Variants in KPNA4 observed in about 807,000 individuals in gnomAD.
KPNA4 encodes the protein importin subunit alpha-3.
A neutral mutation model predicts 71.3 loss-of-function variants in KPNA4; 13 were observed. The ratio of observed to expected loss-of-function variants is 0.18; its 90% CI spans 0.12 to 0.29. The LOEUF is 0.29. Ranked by LOEUF, KPNA4 falls within the 10% of genes least tolerant of loss-of-function variation. The pLI is 1.00. For synonymous variants in KPNA4, 189 were observed against 195.2 expected, an observed-to-expected ratio of 0.97 and a Z score of 0.26; for missense variants, 334 against 603.2, an observed-to-expected ratio of 0.55 and a Z score of 4.67.
intron 15 of KPNA4, among the ~76,000 whole-genome samples, chr3:160,507,466 C>T (rs558921660): frequency 1.4e-4 from 21 of 146,786 alleles, no homozygotes; most frequent in Middle Eastern, 6.9e-3. Context: ...TGCCATTGCA[C>T]TCCAGCCTGG....
At chr3:160,515,325 CTT>C (rs914299148) in intron 12 of KPNA4, 125 bp downstream of exon 12, 8 of 937,910 alleles carry the variant, frequency 8.5e-6, no homozygotes, top group African/African-American at 3.4e-5. Context: ...TTTATTTTCT[CTT>C]GATGTCTAAA....
rs367793590 is a variant in KPNA4 at position 160,507,154 on chromosome 3, G to A, written c.1372+953C>T. ...AGGCTCTGGTACATGGCCATGTTTCGAAACTATTGCCCTAAAGAATAAAAC... is the reference window on the plus strand; with the variant it reads ...AGGCTCTGGTACATGGCCATGTTTCAAAACTATTGCCCTAAAGAATAAAAC... On this transcript the variant is annotated intron_variant, in intron 15 of 16. Transcript: ENST00000334256. 2.6e-4 allele frequency among the ~76,000 whole-genome samples: 40 copies of A among 152,080 alleles called. No homozygotes were observed. In the East Asian group the frequency reaches 2.7e-3, roughly 10 times the overall value.
intron 5 of KPNA4, among the ~76,000 whole-genome samples, chr3:160,533,878 T>C (rs1211391866): frequency 6.6e-6 from 1 of 152,220 alleles, no homozygotes; most frequent in African/African-American, 2.4e-5. Flanking sequence ...TTCTTGCAGA[T>C]TGCATGTTGA....
chr3:160,555,283 C>T (rs1012015467), intron 1 of KPNA4, among the ~76,000 whole-genome samples: 2 of 152,116 alleles, frequency 1.3e-5, no homozygotes, highest in Non-Finnish European at 2.9e-5. Context: ...TTACTATATC[C>T]TCTCAAATAT....
chr3:160,550,697 T>C (rs892808909), intron 1 of KPNA4, among the ~76,000 whole-genome samples: 1 of 152,212 alleles, frequency 6.6e-6, no homozygotes, highest in Non-Finnish European at 1.5e-5. Context: ...AGTTTGAGTG[T>C]TTTTATCATG....
chr3:160,546,774 T>C (rs1191270424), intron 1 of KPNA4, among the ~76,000 whole-genome samples: 1 of 152,126 alleles, frequency 6.6e-6, no homozygotes, highest in Non-Finnish European at 1.5e-5. Flanking sequence ...CTGCACACTA[T>C]TTAATATGCT....
rs1168007999 is a variant in KPNA4, at chr3:160,565,524, A to G, written c.-242T>C. On this transcript the variant is annotated 5_prime_UTR_variant, in exon 1 of 17. Transcript: ENST00000334256. The stretch of plus-strand genomic sequence containing the variant: ...ACAACTGTGGGGCCGGGCGGCGGCA[A>G]GGCGACGGAATGTGCTGCCGGCTGA... 8 of 542,098 alleles carry G rather than the reference A, an allele frequency of 1.5e-5. No homozygotes were observed. The highest frequency in any genetic ancestry group is 2.3e-5 in the Non-Finnish European group (7 of 309,046). The allele number at this position is 542,098 out of a possible 1,614,324, so 33.6% of individuals were successfully genotyped here.
intron 1 of KPNA4, among the ~76,000 whole-genome samples, chr3:160,559,374 T>C (rs909793486): frequency 2.6e-5 from 4 of 152,196 alleles, no homozygotes; most frequent in African/African-American, 9.6e-5. Context: ...ATACTTAAGA[T>C]TTTTCTGAAT....
chr3:160,562,898 C>T (rs1722274099), intron 1 of KPNA4, among the ~76,000 whole-genome samples: 1 of 152,140 alleles, frequency 6.6e-6, no homozygotes, highest in Admixed American at 6.5e-5. Flanking sequence ...CTGATTTTGA[C>T]TAAAGTGCCA....
At chr3:160,527,412 A>T (rs1443846286) in intron 8 of KPNA4, among the ~76,000 whole-genome samples, 1 of 152,216 alleles carries the variant, frequency 6.6e-6, no homozygotes, top group Admixed American at 6.5e-5. Flanking sequence ...CAGACTGTCA[A>T]AAGGCTATGG....
At chr3:160,518,129 GTTT>G (rs747779915) in intron 11 of KPNA4, among the ~76,000 whole-genome samples, 2 of 139,096 alleles carry the variant, frequency 1.4e-5, no homozygotes, top group Admixed American at 1.4e-4. Flanking sequence ...TCTATTCTGA[GTTT>G]TTTTTTTTTT....
At chr3:160,510,197 C>T (rs763793075) in intron 13 of KPNA4, among the ~76,000 whole-genome samples, 2 of 152,086 alleles carry the variant, frequency 1.3e-5, no homozygotes, top group Admixed American at 6.6e-5. Context: ...TACAAAGTCA[C>T]GTAAACGAAC....
At chr3:160,538,113 A>ATATATATATG (rs1228698176) in intron 1 of KPNA4, among the ~76,000 whole-genome samples, 1 of 150,326 alleles carries the variant, frequency 6.7e-6, no homozygotes, top group South Asian at 2.1e-4. Context: ...CACACACTAT[A>ATATATATATG]TATATATATG....
At chr3:160,547,138 CA>C (rs1186401451) in intron 1 of KPNA4, among the ~76,000 whole-genome samples, 1 of 152,182 alleles carries the variant, frequency 6.6e-6, no homozygotes, top group Non-Finnish European at 1.5e-5. Flanking sequence ...TATGAAATGT[CA>C]AATATACAAA....
In KPNA4 at chr3:160,536,821, T is replaced by C. The variant is rs763578522; in HGVS notation, c.89A>G (p.Asn30Ser). ...RDLETMRRQRNEVVVELRKNK... is the reference protein window; with the variant it reads ...RDLETMRRQRSEVVVELRKNK... ...CTTCCTTAATTCAACTACAACTTCA[T>C]TTCGTTGTCTTCTCATAGTCTACAA... Residue 30 changes from asparagine (N) to serine (S), a missense_variant, in exon 2 of 17, where the codon AAT becomes AGT. By Grantham distance (46) the Asn-to-Ser change is conservative. Transcript: ENST00000334256. 2 of 1,582,276 alleles carry C rather than the reference T, an allele frequency of 1.3e-6. No individual in the cohort carries two copies. Among genetic ancestry groups the C allele is most frequent in the East Asian group, 4.5e-5 (2 of 44,346 alleles).
chr3:160,508,688 T>G (rs1040074798), intron 14 of KPNA4, among the ~76,000 whole-genome samples: 1 of 151,994 alleles, frequency 6.6e-6, no homozygotes, highest in Admixed American at 6.6e-5. Context: ...GATTTATTTA[T>G]TTATTTAATA....
intron 1 of KPNA4, among the ~76,000 whole-genome samples, chr3:160,539,938 CATTAT>C (rs1265191671): frequency 6.6e-6 from 1 of 151,702 alleles, no homozygotes; most frequent in African/African-American, 2.4e-5. Flanking sequence ...AATTTTCTCC[CATTAT>C]ATTACATCTC....
At chr3:160,524,531 A>G (rs1721423490) in intron 10 of KPNA4, among the ~76,000 whole-genome samples, 1 of 151,912 alleles carries the variant, frequency 6.6e-6, no homozygotes, top group South Asian at 2.1e-4. Flanking sequence ...TTTCATAGAG[A>G]CAGGGTTTCG....
In KPNA4 at chr3:160,508,264, A is replaced by C; in HGVS notation, c.1215T>G (p.Ala405=). ...LTISGRKDQV[A]YLIQQNVIPP... is the part of the protein sequence containing the mutation. ...GGATAACATTTTGTTGGATAAGGTA[A>C]GCCACCTGAAGAATAAAAACAACAT... Residue 405 remains alanine, a synonymous_variant, in exon 15 of 17, where the codon GCT becomes GCG. Coordinates refer to ENST00000334256, the MANE Select transcript of KPNA4 (RefSeq NM_002268.5). 1.3e-6 allele frequency: 2 copies of C among 1,594,826 alleles called. No homozygotes were observed. The highest frequency in any genetic ancestry group is 1.7e-6 in the Non-Finnish European group (2 of 1,171,870).
Sources: allele counts gnomAD v4.1 joint callset (sites outside exome capture counted in the v4.1 genomes callset), GRCh38; gene constraint gnomAD v4.1.1; transcripts MANE v1.5; gene names NCBI Gene and HGNC (gene_info 2026-07-23, HGNC 2026-07-21).